The following NPHP4 variants were observed in gnomAD, a reference collection of about 807,000 sequenced individuals.
NPHP4 encodes nephrocystin-4.
A neutral mutation model predicts 155.8 loss-of-function variants in NPHP4; 151 were observed. That is an observed-to-expected ratio of 0.97 (90% CI 0.85 to 1.11). NPHP4 has a LOEUF of 1.11. Ranked by LOEUF, NPHP4 falls within the 50% of genes least tolerant of loss-of-function variation. NPHP4 has a pLI of 0.00. For synonymous variants in NPHP4, 845 were observed against 816.8 expected (o/e 1.03, Z -0.59); for missense variants, 1,956 against 1,925.7 (o/e 1.02, Z -0.29).
In NPHP4 at chr1:5,882,233, T is replaced by TCTCTCAGTGGCGCGCTTACCCAGCCAA. The variant is rs1557642555; in HGVS notation, c.2486-1995_2486-1994insTTGGCTGGGTAAGCGCGCCACTGAGAG. 1.8e-3 allele frequency: 249 copies of TCTCTCAGTGGCGCGCTTACCCAGCCAA among 136,474 alleles called. 7 individuals carry two copies. Among genetic ancestry groups the TCTCTCAGTGGCGCGCTTACCCAGCCAA allele is most frequent in the African/African-American group, 6.4e-3 (219 of 34,146 alleles). 8.5% of individuals were successfully genotyped at this position (136,474 alleles called of 1,614,324 possible). ...TCTCAGTGGCGCGCTTACCCAGCCA[T>TCTCTCAGTGGCGCGCTTACCCAGCCAA]CTCTCAGTGGCGCGCTTACCCAGCC... On this transcript the variant is annotated intron_variant, in intron 18 of 29. Transcript: ENST00000378156. This position sits in a 1 kb window ranked among gnomAD's most constrained non-coding sequence, Gnocchi z 5.1.
At position 5,923,491 on chromosome 1, in the gene NPHP4, T is replaced by C. The variant is rs568722887; in HGVS notation, c.1441+4158A>G. On this transcript the variant is annotated intron_variant, in intron 11 of 29. Coordinates refer to ENST00000378156, the MANE Select transcript of NPHP4 (RefSeq NM_015102.5). ...CAGCCATTTACAGAGGGTCCCACCC[T>C]AGCATTCAGTAGAGCGCGGATCAGG... Among the ~76,000 whole-genome samples the C allele has an allele frequency of 3.3e-5, 5 of 152,292 alleles. No homozygotes were observed. In the East Asian group the frequency reaches 9.7e-4, roughly 29 times the overall value.
intron 5 of NPHP4, among the ~76,000 whole-genome samples, chr1:5,964,931 A>ATTT (rs1188241159): frequency 1.0e-3 from 24 of 23,874 alleles, no homozygotes; most frequent in African/African-American, 5.4e-3. Flanking sequence ...ATATATATAT[A>ATTT]TATATATATA....
chr1:5,963,310 G>A (rs1328114998), intron 5 of NPHP4, among the ~76,000 whole-genome samples: 9 of 151,910 alleles, frequency 5.9e-5, no homozygotes, highest in South Asian at 2.1e-4. Context: ...CAGGAGAATC[G>A]CTTGAACCCG....
chr1:5,900,209 G>A (rs563414490), intron 16 of NPHP4, among the ~76,000 whole-genome samples: 16 of 152,238 alleles, frequency 1.1e-4, no homozygotes, highest in African/African-American at 3.9e-4. Flanking sequence ...CACACTCCTT[G>A]GTATTTACCT....
chr1:5,882,460 G>T lies in NPHP4; in HGVS notation c.2486-2221C>A, dbSNP rs1235464084. On this transcript the variant is annotated intron_variant, in intron 18 of 29. Transcript: ENST00000378156. The surrounding 1 kb of genome is among the most constrained non-coding windows in gnomAD (Gnocchi z 5.1). The stretch of plus-strand genomic sequence containing the variant: ...CAGTAGCTGACACCCCCCGCCTCTT[G>T]TTCTTTCTCCTTGACCTCGACGTCA... 6.5e-6 allele frequency: 1 copy of T among 153,190 alleles called. No individual in the cohort carries two copies. The highest frequency in any genetic ancestry group is 2.4e-5 in the African/African-American group (1 of 41,454). 9.5% of individuals were successfully genotyped at this position (153,190 alleles called of 1,614,324 possible).
At chr1:5,864,987 A>G in intron 27 of NPHP4, 115 bp downstream of exon 27, 1 of 1,013,910 alleles carries the variant, frequency 9.9e-7, no homozygotes, top group Non-Finnish European at 1.5e-6. Flanking sequence ...TGCGCGCTGG[A>G]GGCGCTGGAA....
intron 3 of NPHP4, among the ~76,000 whole-genome samples, chr1:5,973,134 C>T (rs2102302782): frequency 6.6e-6 from 1 of 152,350 alleles, no homozygotes; most frequent in African/African-American, 2.4e-5. Context: ...ATCCATCCAC[C>T]TGGGCCTCCC....
Position 5,905,529 on chromosome 1 carries a change from C to A in NPHP4, c.1764-46G>T. The A allele has an allele frequency of 6.3e-7, 1 of 1,594,316 alleles. No homozygotes were observed. The highest frequency in any genetic ancestry group is 8.6e-7 in the Non-Finnish European group (1 of 1,164,754). On this transcript the variant is annotated intron_variant, in intron 14 of 29. Coordinates refer to ENST00000378156, the MANE Select transcript of NPHP4 (RefSeq NM_015102.5). The surrounding 1 kb of genome is among the most constrained non-coding windows in gnomAD (Gnocchi z 4.0). ...AGGTAGCCTCCCGGGAAAGGGGGGA[C>A]CCATTGATGCACCTCCCTGTGGAAA...
chr1:5,866,389 A>G lies in NPHP4; in HGVS notation c.3628T>C (p.Phe1210Leu), dbSNP rs1641228689. The change falls in exon 26 of 30, where the codon TTT (phenylalanine) becomes CTT (leucine). Residue 1210 changes from phenylalanine (F) to leucine (L), a missense_variant. Physicochemically the swap from Phe to Leu is conservative, Grantham distance 22 (BLOSUM62 0). Transcript: ENST00000378156. ...SGPSPEIKDF[F>L]VIIYSDRWLA... ...TGCACTTACGAGTAAATGATGACAA[A>G]GAAGTCTTTGATCTCCGGGCTTGGA... 1.2e-6 allele frequency: 2 copies of G among 1,607,792 alleles called. No homozygotes were observed. The highest frequency in any genetic ancestry group is 1.7e-6 in the Non-Finnish European group (2 of 1,176,268).
chr1:5,943,542 A>T (rs1646933361), intron 9 of NPHP4, among the ~76,000 whole-genome samples: 1 of 152,180 alleles, frequency 6.6e-6, no homozygotes, highest in South Asian at 2.1e-4. Context: ...CTCTCCCAGC[A>T]TTACGAATGT....
At chr1:5,923,555 G>A (rs1389400218) in intron 11 of NPHP4, among the ~76,000 whole-genome samples, 1 of 152,198 alleles carries the variant, frequency 6.6e-6, no homozygotes, top group African/African-American at 2.4e-5. Context: ...CCACCAGAGA[G>A]GATTACAGGG....
chr1:5,927,170 C>T (rs1230813859), intron 11 of NPHP4, among the ~76,000 whole-genome samples: 1 of 152,242 alleles, frequency 6.6e-6, no homozygotes, highest in Non-Finnish European at 1.5e-5. Context: ...CAGGACTCTA[C>T]CTCTGCTGGC....
intron 8 of NPHP4, 131 bp from the exon 9 acceptor site, chr1:5,947,361 T>A: frequency 1.1e-6 from 1 of 892,332 alleles, no homozygotes; most frequent in Non-Finnish European, 1.8e-6. Flanking sequence ...CAACAGCAAG[T>A]CCACCATGTA....
chr1:5,950,323 C>G (rs1389087996), intron 7 of NPHP4, among the ~76,000 whole-genome samples: 1 of 152,128 alleles, frequency 6.6e-6, no homozygotes, highest in East Asian at 1.9e-4. Flanking sequence ...GGACCTGGCA[C>G]CAAGGCAGGA....
intron 22 of NPHP4, 68 bp downstream of exon 22, chr1:5,874,403 T>C (rs1642332859): frequency 1.4e-6 from 2 of 1,387,982 alleles, no homozygotes; most frequent in Non-Finnish European, 1.9e-6. Flanking sequence ...TGGTGGAGAC[T>C]GGAAGCATTC....
chr1:5,872,093 C>A (rs1279920711), intron 23 of NPHP4, among the ~76,000 whole-genome samples: 1 of 152,188 alleles, frequency 6.6e-6, no homozygotes, highest in East Asian at 1.9e-4. Context: ...GCCATTAAAC[C>A]CCTATGTGAA....
rs550109369 is a variant in NPHP4 at position 5,887,472 on chromosome 1, G to A, written c.2305-6C>T. The A allele has an allele frequency of 1.9e-6, 3 of 1,612,676 alleles. No homozygotes were observed. The South Asian group carries it at 3.3e-5, about 18-fold the overall frequency. On this transcript the variant is annotated splice_polypyrimidine_tract_variant and splice_region_variant and intron_variant, in intron 17 of 29. Coordinates refer to ENST00000378156, the MANE Select transcript of NPHP4 (RefSeq NM_015102.5). ...CGGCCTTGGCGGAGGAGATGCTGCAGAAGAGAAAAGCGCGTTCAGAGGCTG... is the reference window on the plus strand; with the variant it reads ...CGGCCTTGGCGGAGGAGATGCTGCAAAAGAGAAAAGCGCGTTCAGAGGCTG...
chr1:5,950,893 T>C (rs1225946188), intron 7 of NPHP4, among the ~76,000 whole-genome samples: 1 of 152,210 alleles, frequency 6.6e-6, no homozygotes, highest in East Asian at 1.9e-4. Context: ...AATGGATTTA[T>C]AAATCCTGGT....
At chr1:5,879,617 G>A (rs180914600) in intron 19 of NPHP4, 42 of 518,706 alleles carry the variant, frequency 8.1e-5, no homozygotes, top group African/African-American at 1.2e-4. Context: ...CAGCACAGTC[G>A]CCTGCAGAGC....
Sources: gnomAD v4.1 joint callset for allele counts (sites outside exome capture counted in the v4.1 genomes callset) on GRCh38, gnomAD v4.1.1 for gene constraint, Gnocchi (gnomAD v3.1) non-coding constraint, MANE v1.5 for transcripts, NCBI Gene and HGNC (gene_info 2026-07-23, HGNC 2026-07-21) for gene names.